CPNE2: variants seen among roughly 807,000 people sequenced by gnomAD.
CPNE2 encodes copine 2.
In CPNE2, 42 loss-of-function variants were observed where a neutral mutation model predicts 69.7. The observed-to-expected ratio is 0.60, with a 90% CI of 0.47 to 0.78. The LOEUF (loss-of-function observed/expected upper bound fraction) is 0.78, where lower values mean the gene tolerates loss of function less well. Among genes scored for constraint, CPNE2 ranks in the 30% least tolerant of loss-of-function variants. The pLI is 0.00. For missense variants in CPNE2, 587 were observed against 732.0 expected, an observed-to-expected ratio of 0.80 and a Z score of 2.29; for synonymous variants, 294 against 289.8, an observed-to-expected ratio of 1.01 and a Z score of -0.15.
rs147408120 is a variant in CPNE2, at chr16:57,135,373, A to G, written c.1168+547A>G. ...ATTTCTGAGCCTCCTAGGGACAGTTAAGAAACTATTAGAGGCCGGATGCTG... is the reference window on the plus strand; with the variant it reads ...ATTTCTGAGCCTCCTAGGGACAGTTGAGAAACTATTAGAGGCCGGATGCTG... On this transcript the variant is annotated intron_variant, in intron 13 of 15. Transcript: ENST00000290776. 6.3e-3 allele frequency among the ~76,000 whole-genome samples: 952 copies of G among 152,294 alleles called. 4 individuals carry two copies. The highest frequency in any genetic ancestry group is 9.6e-3 in the Non-Finnish European group (651 of 68,010).
intron 13 of CPNE2, among the ~76,000 whole-genome samples, chr16:57,135,703 G>C (rs565602770): frequency 6.6e-6 from 1 of 151,256 alleles, no homozygotes; most frequent in Non-Finnish European, 1.5e-5. Flanking sequence ...GTGAAACCCC[G>C]TCTGTACTAA....
At chr16:57,142,443 T>A (rs944058901) in intron 14 of CPNE2, 2 of 152,204 alleles carry the variant, frequency 1.3e-5, no homozygotes, top group African/African-American at 4.8e-5. Flanking sequence ...AGGAATGTGT[T>A]GAAAGAGGAG....
chr16:57,110,728 C>T lies in CPNE2; in HGVS notation c.-15C>T, dbSNP rs768793658. 6.3e-7 allele frequency: 1 copy of T among 1,591,558 alleles called. No individual in the cohort carries two copies. The highest frequency in any genetic ancestry group is 1.1e-5 in the South Asian group (1 of 88,824). ...CCTAGACTGCCAGGAACTCCTGCCA[C>T]CGCCACCGGCTCCCATGGCCCACAT... On this transcript the variant is annotated 5_prime_UTR_variant, in exon 2 of 16. Transcript: ENST00000290776.
At chr16:57,096,292 C>T (rs1253835848) in intron 1 of CPNE2, among the ~76,000 whole-genome samples, 2 of 152,248 alleles carry the variant, frequency 1.3e-5, no homozygotes, top group South Asian at 2.1e-4. Flanking sequence ...GTGTGTGGTG[C>T]TCAACTAGCC....
chr16:57,093,583 G>C (rs2069558995), intron 1 of CPNE2, among the ~76,000 whole-genome samples: 1 of 152,132 alleles, frequency 6.6e-6, no homozygotes, highest in Admixed American at 6.5e-5. Context: ...TTCAAAGGGG[G>C]CTGTGATTTG....
chr16:57,125,710 G>A, intron 10 of CPNE2, 150 bp from the exon 11 acceptor site: 1 of 907,920 alleles, frequency 1.1e-6, no homozygotes, highest in Non-Finnish European at 1.6e-6. Flanking sequence ...TACAATCAGA[G>A]CATTTCTAGG....
chr16:57,140,319 C>T (rs547301424), intron 14 of CPNE2, among the ~76,000 whole-genome samples: 2 of 151,582 alleles, frequency 1.3e-5, no homozygotes, highest in Non-Finnish European at 2.9e-5. Context: ...TACAGGTGCC[C>T]ACCACCACGC....
chr16:57,103,356 T>TCA (rs10685609), intron 1 of CPNE2, among the ~76,000 whole-genome samples: 52,004 of 152,010 alleles, frequency 0.34, 9,652 homozygotes, highest in Middle Eastern at 0.48. Context: ...ACTCCTGGCC[T>TCA]CAAGCAGTTC....
intron 14 of CPNE2, chr16:57,143,374 C>A (rs2069936163): frequency 6.6e-6 from 1 of 152,284 alleles, no homozygotes; most frequent in African/African-American, 2.4e-5. Flanking sequence ...GGCTCTGGGC[C>A]CCACCCTGGG....
Position 57,121,699 on chromosome 16 carries a change from A to G in CPNE2, c.806A>G (p.Lys269Arg). Residue 269 changes from lysine to arginine, a missense_variant, in exon 9 of 16, where the codon AAG becomes AGG. Physicochemically the swap from Lys to Arg is conservative, Grantham distance 26 (BLOSUM62 2). Transcript: ENST00000290776. ...CTGGAGTTCGAGTGCATCAACCCCA[A>G]GAAGCAGAGGAAGAAGAAGAACTAT... ...VPLEFECINP[K>R]KQRKKKNYKN... 6.2e-7 allele frequency: 1 copy of G among 1,614,206 alleles called. No homozygotes were observed. Among genetic ancestry groups the G allele is most frequent in the Non-Finnish European group, 8.5e-7 (1 of 1,180,036 alleles).
At position 57,146,243 on chromosome 16, in the gene CPNE2, C is replaced by T. The variant is rs1248473161; in HGVS notation, c.1461C>T (p.Ser487=). The change falls in exon 15 of 16, where the codon AGC becomes AGT. Residue 487 remains serine (S), a synonymous_variant. Coordinates refer to ENST00000290776, the MANE Select transcript of CPNE2 (RefSeq NM_152727.6). This position sits in a 1 kb window ranked among gnomAD's most constrained non-coding sequence, Gnocchi z 4.4. ...CCATGGAGTTCCTGGATGGGGACAG[C>T]CGCATGCTGCGCTCCCACACGGGGG... ...FAAMEFLDGD[S]RMLRSHTGEE... 2 of 1,559,602 alleles carry T rather than the reference C, an allele frequency of 1.3e-6. No individual in the cohort carries two copies. Among genetic ancestry groups the T allele is most frequent in the Non-Finnish European group, 1.7e-6 (2 of 1,151,128 alleles).
chr16:57,132,036 C>G (rs2069842100), intron 12 of CPNE2, among the ~76,000 whole-genome samples: 1 of 152,186 alleles, frequency 6.6e-6, no homozygotes, highest in African/African-American at 2.4e-5. Flanking sequence ...AGCACCTGGC[C>G]TGCAGTGTGC....
rs186453221 is a variant in CPNE2 at position 57,122,810 on chromosome 16, C to T, written c.868-604C>T. Among the ~76,000 whole-genome samples, 319 of 152,034 alleles carry T rather than the reference C, an allele frequency of 2.1e-3. 2 individuals carry two copies. The highest frequency in any genetic ancestry group is 7.6e-3 in the African/African-American group (314 of 41,494). The stretch of plus-strand genomic sequence containing the variant: ...GTTTCATTATGTCGACCAGGCTGGT[C>T]TTGAACTCCTGACCTCAAGTGATTT... On this transcript the variant is annotated intron_variant, in intron 9 of 15. Transcript: ENST00000290776.
intron 2 of CPNE2, among the ~76,000 whole-genome samples, chr16:57,112,353 A>G (rs1471000766): frequency 6.6e-6 from 1 of 152,176 alleles, no homozygotes; most frequent in Non-Finnish European, 1.5e-5. Context: ...CCCTTCCACC[A>G]GGTCTCTAGA....
chr16:57,095,769 A>T (rs1378279645), intron 1 of CPNE2, among the ~76,000 whole-genome samples: 2 of 152,192 alleles, frequency 1.3e-5, no homozygotes, highest in African/African-American at 4.8e-5. Context: ...CCGACCATGG[A>T]ACATTTCTTA....
intron 7 of CPNE2, among the ~76,000 whole-genome samples, chr16:57,120,275 A>C (rs2145257601): frequency 6.6e-6 from 1 of 151,108 alleles, no homozygotes; most frequent in Admixed American, 6.6e-5. Flanking sequence ...TGTCTCAAAA[A>C]AAAAAAAAAA....
intron 5 of CPNE2, 151 bp downstream of exon 5, chr16:57,117,718 G>T: frequency 1.2e-6 from 1 of 802,092 alleles, no homozygotes; most frequent in Non-Finnish European, 2.1e-6. Context: ...CTCCAGATTA[G>T]GACTCCTTCA....
chr16:57,121,241 G>A (rs915251367), intron 8 of CPNE2, 50 bp downstream of exon 8: 32 of 1,540,040 alleles, frequency 2.1e-5, no homozygotes, highest in Non-Finnish European at 2.7e-5. Context: ...AGGGCTGGGG[G>A]AAGGGGCACC....
chr16:57,101,687 C>T (rs1224383138), intron 1 of CPNE2, among the ~76,000 whole-genome samples: 1 of 152,226 alleles, frequency 6.6e-6, no homozygotes, highest in East Asian at 1.9e-4. Flanking sequence ...CCTCGTGTCT[C>T]AAAGTGTGGT....
Sources: allele counts gnomAD v4.1 joint callset (sites outside exome capture counted in the v4.1 genomes callset), GRCh38; gene constraint gnomAD v4.1.1; non-coding constraint Gnocchi (gnomAD v3.1); transcripts MANE v1.5; gene names NCBI Gene and HGNC (gene_info 2026-07-23, HGNC 2026-07-21).